Variants in OTX2 observed in about 807,000 individuals in gnomAD.
OTX2 encodes homeobox protein OTX2.
Under a neutral mutation model 29.0 loss-of-function variants are expected in OTX2, and 4 were observed. The observed-to-expected ratio is 0.14, with a 90% CI of 0.07 to 0.32. The LOEUF (loss-of-function observed/expected upper bound fraction) is 0.32, where lower values mean the gene tolerates loss of function less well. Ranked by LOEUF, OTX2 falls within the 10% of genes least tolerant of loss-of-function variation. OTX2 has a pLI of 1.00. For synonymous variants in OTX2, 134 were observed against 141.0 expected, an observed-to-expected ratio of 0.95 and a Z score of 0.35; for missense variants, 298 against 365.9, an observed-to-expected ratio of 0.81 and a Z score of 1.51.
rs1891844901 is a variant in OTX2, at chr14:56,800,741, T to C, written c.*994A>G. On this transcript the variant is annotated 3_prime_UTR_variant, in exon 5 of 5. Coordinates refer to ENST00000672264, the MANE Select transcript of OTX2 (RefSeq NM_021728.4). ...AACCATTTTAATATAATTATACATA[T>C]CTGCCAAATCCAGGAAGAAAAGGTT... The C allele has an allele frequency of 2.0e-5, 3 of 152,630 alleles. 1 individual carries two copies. Among genetic ancestry groups the C allele is most frequent in the African/African-American group, 7.2e-5 (3 of 41,450 alleles). The allele number at this position is 152,630 out of a possible 1,614,324, so 9.5% of individuals were successfully genotyped here.
chr14:56,805,215 A>C, intron 3 of OTX2, 145 bp downstream of exon 3: 1 of 643,618 alleles, frequency 1.6e-6, no homozygotes, highest in Non-Finnish European at 2.8e-6. Flanking sequence ...GCTTCCTCAG[A>C]AGGCAAACCT....
chr14:56,808,623 T>C (rs1444174088), intron 2 of OTX2, among the ~76,000 whole-genome samples: 1 of 152,166 alleles, frequency 6.6e-6, no homozygotes, highest in Non-Finnish European at 1.5e-5. Flanking sequence ...TTCCCTCTCC[T>C]ACTCCCCTCT....
intron 2 of OTX2, 142 bp from the exon 3 acceptor site, chr14:56,805,717 C>T: frequency 2.3e-6 from 1 of 443,562 alleles, no homozygotes; most frequent in East Asian, 4.4e-5. Flanking sequence ...ACACTCCCCC[C>T]ACCCCCATCC....
rs1594951744 is a variant in OTX2 at position 56,801,640 on chromosome 14, T to C, written c.*95A>G. ...TTTGATCAGATGAGTCTGAGCATCA[T>C]CCCATCTAACTCTTTTAACCAATGC... is the stretch of plus-strand genomic sequence containing the variant. On this transcript the variant is annotated 3_prime_UTR_variant, in exon 5 of 5. Transcript: ENST00000672264. This position sits in a 1 kb window ranked among gnomAD's most constrained non-coding sequence, Gnocchi z 4.2. 4 of 1,363,794 alleles carry C rather than the reference T, an allele frequency of 2.9e-6. No individual in the cohort carries two copies. The highest frequency in any genetic ancestry group is 2.3e-5 in the East Asian group (1 of 43,756). 84.5% of individuals were successfully genotyped at this position (1,363,794 alleles called of 1,614,324 possible).
Position 56,801,752 on chromosome 14 carries a change from T to A in OTX2, c.877A>T (p.Lys293Ter). The A allele has an allele frequency of 6.2e-7, 1 of 1,614,104 alleles. No homozygotes were observed. The highest frequency in any genetic ancestry group is 8.5e-7 in the Non-Finnish European group (1 of 1,180,048). ...LDYKDQTSSW[K>*]FQVL ...ACAGGTCTTCACAAAACCTGGAATT[T>A]CCACGAGGATGTCTGATCTTTATAA... Residue 293 changes from lysine to a stop codon, truncating the protein, a stop_gained, in exon 5 of 5, where the codon AAA becomes TAA. Coordinates refer to ENST00000672264, the MANE Select transcript of OTX2 (RefSeq NM_021728.4). LOFTEE classifies it high-confidence loss of function. The surrounding 1 kb of genome is among the most constrained non-coding windows in gnomAD (Gnocchi z 4.2).
intron 2 of OTX2, 182 bp from the exon 3 acceptor site, chr14:56,805,757 A>G (rs1372291141): frequency 3.1e-6 from 1 of 326,468 alleles, no homozygotes; most frequent in African/African-American, 2.7e-5. Context: ...CTCTGGAACT[A>G]GAGGGGATGG....
At chr14:56,803,891 G>T (rs541001716) in intron 4 of OTX2, among the ~76,000 whole-genome samples, 5 of 152,238 alleles carry the variant, frequency 3.3e-5, no homozygotes, top group African/African-American at 1.2e-4. Context: ...AATAGGAGAG[G>T]ATTTCTATAC....
Position 56,804,448 on chromosome 14 carries a change from C to A in OTX2, c.98-85G>T. Reference sequence around the variant, plus strand: ...CTGCCCTCCACCCCGCAGCAGTCCCCCGTTCCTCACAGCCCTTCAGCCGGG... The same window carrying A: ...CTGCCCTCCACCCCGCAGCAGTCCCACGTTCCTCACAGCCCTTCAGCCGGG... On this transcript the variant is annotated intron_variant, in intron 3 of 4. Coordinates refer to ENST00000672264, the MANE Select transcript of OTX2 (RefSeq NM_021728.4). This position sits in a 1 kb window ranked among gnomAD's most constrained non-coding sequence, Gnocchi z 4.1. 7.7e-7 allele frequency: 1 copy of A among 1,290,486 alleles called. No individual in the cohort carries two copies. The highest frequency in any genetic ancestry group is 1.5e-5 in the African/African-American group (1 of 68,224). 79.9% of individuals were successfully genotyped at this position (1,290,486 alleles called of 1,614,324 possible). A position where few individuals can be genotyped will look rare whatever the true frequency, so the allele number is the denominator to read the frequency against.
At chr14:56,805,285 T>G (rs1892042720) in intron 3 of OTX2, 75 bp downstream of exon 3, 1 of 995,060 alleles carries the variant, frequency 1.0e-6, no homozygotes. Context: ...CCGTGTTCCA[T>G]GGGAACAGGG....
At chr14:56,806,331 T>C (rs895217617) in intron 2 of OTX2, among the ~76,000 whole-genome samples, 4 of 152,226 alleles carry the variant, frequency 2.6e-5, no homozygotes, top group Non-Finnish European at 2.9e-5. Context: ...AGAATCTTGA[T>C]TATATGTGTC....
intron 2 of OTX2, chr14:56,806,780 C>T (rs1892100996): frequency 6.6e-6 from 1 of 152,282 alleles, no homozygotes; most frequent in Non-Finnish European, 1.5e-5. Flanking sequence ...AAGTTATTTA[C>T]TTTCTTCAGC....
rs397957887 is a variant in OTX2, at chr14:56,805,812, T to TA, written c.-119-238dup. ...GTCTTCCCCACCCCCACCCTAAACT[T>TA]AAAAAAAAAAAAAAAGTACCCGAAG... On this transcript the variant is annotated intron_variant, in intron 2 of 4. Transcript: ENST00000672264. The TA allele has an allele frequency of 0.17, 18,771 of 112,052 alleles. 1,661 individuals carry two copies. The highest frequency in any genetic ancestry group is 0.47 in the East Asian group (1,995 of 4,290). 6.9% of individuals were successfully genotyped at this position (112,052 alleles called of 1,614,324 possible). A position where few individuals can be genotyped will look rare whatever the true frequency, so the allele number is the denominator to read the frequency against.
chr14:56,804,450 G>T lies in OTX2; in HGVS notation c.98-87C>A. The T allele has an allele frequency of 7.9e-7, 1 of 1,267,486 alleles. No individual in the cohort carries two copies. Among genetic ancestry groups the T allele is most frequent in the Middle Eastern group, 2.7e-4 (1 of 3,654 alleles). 78.5% of individuals were successfully genotyped at this position (1,267,486 alleles called of 1,614,324 possible). A position where few individuals can be genotyped will look rare whatever the true frequency, so the allele number is the denominator to read the frequency against. On this transcript the variant is annotated intron_variant, in intron 3 of 4. Coordinates refer to ENST00000672264, the MANE Select transcript of OTX2 (RefSeq NM_021728.4). This position sits in a 1 kb window ranked among gnomAD's most constrained non-coding sequence, Gnocchi z 4.1. ...GCCCTCCACCCCGCAGCAGTCCCCC[G>T]TTCCTCACAGCCCTTCAGCCGGGAG...
At chr14:56,805,921 T>C (rs886338574) in intron 2 of OTX2, among the ~76,000 whole-genome samples, 2 of 151,772 alleles carry the variant, frequency 1.3e-5, no homozygotes, top group South Asian at 2.1e-4. Flanking sequence ...TACATTTGCA[T>C]AGGACTCATT....
At chr14:56,806,338 T>A (rs1013793348) in intron 2 of OTX2, among the ~76,000 whole-genome samples, 9 of 152,242 alleles carry the variant, frequency 5.9e-5, no homozygotes, top group Non-Finnish European at 1.3e-4. Flanking sequence ...TGATTATATG[T>A]GTCTAAGGAA....
At position 56,800,105 on chromosome 14, in the gene OTX2, C is replaced by A. The variant is rs1277453709; in HGVS notation, c.*1630G>T. 6.6e-6 allele frequency: 1 copy of A among 151,968 alleles called. No individual in the cohort carries two copies. The highest frequency in any genetic ancestry group is 1.5e-5 in the Non-Finnish European group (1 of 67,992). 9.4% of individuals were successfully genotyped at this position (151,968 alleles called of 1,614,324 possible). A position where few individuals can be genotyped will look rare whatever the true frequency, so the allele number is the denominator to read the frequency against. On this transcript the variant is annotated 3_prime_UTR_variant, in exon 5 of 5. Transcript: ENST00000672264. ...AACTGAAAAGGGACCCATTTTTTCC[C>A]CCTCGGCACTTTCTTAAACACATAC...
Position 56,801,786 on chromosome 14 carries a change from G to T in OTX2, c.843C>A (p.Asp281Glu). ...ATGTCTGATCTTTATAATCCAAGCA[G>T]TCAGCATTGAAGTTAAGCTTCCAGG... is the stretch of plus-strand genomic sequence containing the variant. ...TASWKLNFNA[D>E]CLDYKDQTSS... The change falls in exon 5 of 5, where the codon GAC becomes GAA. Residue 281 changes from aspartate to glutamate, a missense_variant. Asp to Glu is a conservative substitution (Grantham distance 45). This residue lies in a region of OTX2 where 219 missense variants were observed against 223.5 expected (regional missense o/e 0.98). Coordinates refer to ENST00000672264, the MANE Select transcript of OTX2 (RefSeq NM_021728.4). The surrounding 1 kb of genome is among the most constrained non-coding windows in gnomAD (Gnocchi z 4.2). 1 of 1,614,172 alleles carries T rather than the reference G, an allele frequency of 6.2e-7. No individual in the cohort carries two copies.
chr14:56,801,733 C>T lies in OTX2; in HGVS notation c.*2G>A, dbSNP rs370275924. On this transcript the variant is annotated 3_prime_UTR_variant, in exon 5 of 5. Coordinates refer to ENST00000672264, the MANE Select transcript of OTX2 (RefSeq NM_021728.4). This position sits in a 1 kb window ranked among gnomAD's most constrained non-coding sequence, Gnocchi z 4.2. ...ACCCACAAAAAGAGGTTCTACAGGT[C>T]TTCACAAAACCTGGAATTTCCACGA... 6.8e-6 allele frequency: 11 copies of T among 1,613,634 alleles called. No individual in the cohort carries two copies. The African/African-American group carries it at 1.2e-4, about 18-fold the overall frequency.
chr14:56,808,128 C>T (rs1892154690), intron 2 of OTX2, among the ~76,000 whole-genome samples: 1 of 149,962 alleles, frequency 6.7e-6, no homozygotes. Flanking sequence ...TTTTTTTTTT[C>T]TTCCAAGAAG....
Sources: gnomAD v4.1 joint callset for allele counts (sites outside exome capture counted in the v4.1 genomes callset) on GRCh38, gnomAD v4.1.1 for gene constraint, gnomAD v4.1.1 regional missense constraint, Gnocchi (gnomAD v3.1) non-coding constraint, MANE v1.5 for transcripts, NCBI Gene and HGNC (gene_info 2026-07-23, HGNC 2026-07-21) for gene names.